Variants in SOCS7 observed in about 807,000 individuals in gnomAD.
The protein encoded by SOCS7 is NAP-4.
Under a neutral mutation model 58.9 loss-of-function variants are expected in SOCS7, and 18 were observed. That is an observed-to-expected ratio of 0.31 (90% CI 0.21 to 0.45). The LOEUF is 0.45. Ranked by LOEUF, SOCS7 falls within the 20% of genes least tolerant of loss-of-function variation. The probability of loss-of-function intolerance (pLI) is 1.00; values close to 1 mark genes in which losing one functional copy is unlikely to be tolerated. For missense variants in SOCS7, 667 were observed against 837.3 expected, an observed-to-expected ratio of 0.80 and a Z score of 2.51; for synonymous variants, 388 against 364.3, an observed-to-expected ratio of 1.06 and a Z score of -0.74.
At chr17:38,387,575 C>T (rs1555570788) in intron 7 of SOCS7, among the ~76,000 whole-genome samples, 1 of 109,034 alleles carries the variant, frequency 9.2e-6, no homozygotes, top group Non-Finnish European at 1.7e-5. Context: ...AATATATATA[C>T]ACAATATATT....
chr17:38,352,793 G>C lies in SOCS7; in HGVS notation c.741G>C (p.Gln247His). 1 of 1,552,124 alleles carries C rather than the reference G, an allele frequency of 6.4e-7. No homozygotes were observed. The change falls in exon 1 of 10, where the codon CAG (glutamine) becomes CAC (histidine). Residue 247 changes from glutamine (Q) to histidine (H), a missense_variant. Coordinates refer to ENST00000612932, the MANE Select transcript of SOCS7 (RefSeq NM_014598.4). This position sits in a 1 kb window ranked among gnomAD's most constrained non-coding sequence, Gnocchi z 5.5. Reference sequence around the variant, plus strand: ...TGAGTAGAGGGGAGCAGCAGCAGCAGCAGCAGCAGCAACCTCCCCCGCCCC... The same window carrying C: ...TGAGTAGAGGGGAGCAGCAGCAGCACCAGCAGCAGCAACCTCCCCCGCCCC... ...GRLSRGEQQQ[Q>H]QQQQPPPPPP...
chr17:38,389,455 C>T (rs528609933), intron 7 of SOCS7, among the ~76,000 whole-genome samples: 4 of 152,054 alleles, frequency 2.6e-5, no homozygotes, highest in Admixed American at 2.0e-4. Context: ...ACTTGGAAGA[C>T]TGAGATGGGA....
chr17:38,354,678 A>G lies in SOCS7; in HGVS notation c.980+1646A>G, dbSNP rs41383447. On this transcript the variant is annotated intron_variant, in intron 1 of 9. Transcript: ENST00000612932. ...TGGTAGGCTCTGTATTCGATGCTCC[A>G]CTTACCAGCACAGATGAAATTTTCA... is the stretch of plus-strand genomic sequence containing the variant. 4.7e-3 allele frequency among the ~76,000 whole-genome samples: 719 copies of G among 152,278 alleles called. 4 individuals are homozygous for G. The highest frequency in any genetic ancestry group is 0.016 in the African/African-American group (680 of 41,568).
chr17:38,356,767 CAT>C (rs1355743609), intron 1 of SOCS7, among the ~76,000 whole-genome samples: 1 of 152,202 alleles, frequency 6.6e-6, no homozygotes, highest in Admixed American at 6.5e-5. Context: ...TTATAACACA[CAT>C]ATGTTGGAAT....
intron 6 of SOCS7, among the ~76,000 whole-genome samples, chr17:38,375,429 C>T (rs1355310397): frequency 6.6e-6 from 1 of 152,064 alleles, no homozygotes; most frequent in African/African-American, 2.4e-5. Flanking sequence ...TGATGATCCA[C>T]TTCCATTTAA....
At chr17:38,377,129 A>G (rs974362459) in intron 6 of SOCS7, among the ~76,000 whole-genome samples, 1 of 152,240 alleles carries the variant, frequency 6.6e-6, no homozygotes, top group African/African-American at 2.4e-5. Flanking sequence ...GTAATGCATG[A>G]CTGTACCTAT....
At chr17:38,399,047 C>G (rs1221211191) in intron 9 of SOCS7, among the ~76,000 whole-genome samples, 1 of 149,146 alleles carries the variant, frequency 6.7e-6, no homozygotes, top group Non-Finnish European at 1.5e-5. Flanking sequence ...AAGATCATGC[C>G]TTTGCACTCC....
chr17:38,364,977 C>G (rs2037770035), intron 3 of SOCS7, 121 bp downstream of exon 3: 1 of 719,208 alleles, frequency 1.4e-6, no homozygotes, highest in Non-Finnish European at 2.4e-6. Context: ...TATTTCCCAG[C>G]TCTTTCTCAG....
At chr17:38,386,553 T>C (rs2038070533) in intron 7 of SOCS7, among the ~76,000 whole-genome samples, 1 of 152,084 alleles carries the variant, frequency 6.6e-6, no homozygotes, top group South Asian at 2.1e-4. Context: ...GATGTCTGGT[T>C]GTGTCTCTTT....
In SOCS7 at chr17:38,390,817, T is replaced by G. The variant is rs1300580034; in HGVS notation, c.1682-4492T>G. 2.6e-5 allele frequency among the ~76,000 whole-genome samples: 4 copies of G among 151,138 alleles called. No individual in the cohort carries two copies. The East Asian group carries it at 7.8e-4, about 30-fold the overall frequency. ...GCCCAGTGTGTCCTGCACTTCAGCC[T>G]CCTGTGTAGCTGGGACTATAGGCAC... is the stretch of plus-strand genomic sequence containing the variant. On this transcript the variant is annotated intron_variant, in intron 7 of 9. Coordinates refer to ENST00000612932, the MANE Select transcript of SOCS7 (RefSeq NM_014598.4).
rs1436339819 is a variant in SOCS7 at position 38,389,904 on chromosome 17, TATAGAG to T, written c.1682-5403_1682-5398del. Among the ~76,000 whole-genome samples the T allele has an allele frequency of 4.1e-4, 46 of 111,522 alleles. 2 individuals carry two copies. Among genetic ancestry groups the T allele is most frequent in the African/African-American group, 1.4e-3 (32 of 23,558 alleles). The allele number at this position is 111,522 out of a possible 152,430, so 73.2% of individuals were successfully genotyped here. A position where few individuals can be genotyped will look rare whatever the true frequency, so the allele number is the denominator to read the frequency against. On this transcript the variant is annotated intron_variant, in intron 7 of 9. Coordinates refer to ENST00000612932, the MANE Select transcript of SOCS7 (RefSeq NM_014598.4). ...ATATGTACATATATATATATACACATATAGAGAGAGAGAGAGAGAGAGAGTGAGAGA... is the reference window on the plus strand; with the variant it reads ...ATATGTACATATATATATATACACATAGAGAGAGAGAGAGAGAGTGAGAGA...
Position 38,387,129 on chromosome 17 carries a change from GTA to G in SOCS7, c.1682-8178_1682-8177del, listed in dbSNP as rs1435889869. On this transcript the variant is annotated intron_variant, in intron 7 of 9. Transcript: ENST00000612932. ...TATATATATATATATATATATATAT[GTA>G]TGTATATATATATATATATATGATT... 2.2e-3 allele frequency among the ~76,000 whole-genome samples: 142 copies of G among 64,640 alleles called. 2 individuals carry two copies. The highest frequency in any genetic ancestry group is 0.013 in the African/African-American group (132 of 9,934). 42.4% of individuals were successfully genotyped at this position (64,640 alleles called of 152,430 possible). A position where few individuals can be genotyped will look rare whatever the true frequency, so the allele number is the denominator to read the frequency against.
chr17:38,397,491 CT>C (rs1170514480), intron 9 of SOCS7, among the ~76,000 whole-genome samples: 1 of 152,222 alleles, frequency 6.6e-6, no homozygotes, highest in Non-Finnish European at 1.5e-5. Context: ...CCAGAATGCT[CT>C]GCCCCAAGGC....
chr17:38,377,063 G>A (rs146972991), intron 6 of SOCS7, among the ~76,000 whole-genome samples: 1 of 152,232 alleles, frequency 6.6e-6, no homozygotes, highest in East Asian at 1.9e-4. Flanking sequence ...GTTTGGATAA[G>A]TACACTCTGA....
At chr17:38,359,966 C>T (rs587623677) in intron 1 of SOCS7, among the ~76,000 whole-genome samples, 12 of 151,418 alleles carry the variant, frequency 7.9e-5, no homozygotes, top group Admixed American at 1.3e-4. Context: ...TTTGTAGAGA[C>T]GAGGTTTCAT....
chr17:38,377,136 CTATACTTAATATACATAATAAG>C (rs1165043444), intron 6 of SOCS7, among the ~76,000 whole-genome samples: 2 of 152,124 alleles, frequency 1.3e-5, no homozygotes, highest in Non-Finnish European at 2.9e-5. Context: ...ATGACTGTAC[CTATACTTAATATACATAATAAG>C]TACATCTATA....
intron 7 of SOCS7, among the ~76,000 whole-genome samples, chr17:38,378,199 G>A (rs2037956322): frequency 6.6e-6 from 1 of 152,202 alleles, no homozygotes; most frequent in Non-Finnish European, 1.5e-5. Flanking sequence ...TAGGAACGGG[G>A]AAGGTAGGAG....
chr17:38,370,514 T>A (rs959944450), intron 6 of SOCS7, among the ~76,000 whole-genome samples: 2 of 151,458 alleles, frequency 1.3e-5, no homozygotes, highest in Non-Finnish European at 2.9e-5. Context: ...TTTAAAAAAA[T>A]TTTTTTAGTA....
intron 7 of SOCS7, among the ~76,000 whole-genome samples, chr17:38,389,868 CAT>C (rs1463868655): frequency 2.1e-4 from 4 of 18,626 alleles, no homozygotes; most frequent in African/African-American, 5.3e-4. Flanking sequence ...TATGTGTGTA[CAT>C]ATATATATAT....
Sources: allele counts gnomAD v4.1 joint callset (sites outside exome capture counted in the v4.1 genomes callset), GRCh38; gene constraint gnomAD v4.1.1; non-coding constraint Gnocchi (gnomAD v3.1); transcripts MANE v1.5; gene names NCBI Gene and HGNC (gene_info 2026-07-23, HGNC 2026-07-21).